Variants in PELI2 observed in about 807,000 individuals in gnomAD.
PELI2 encodes E3 ubiquitin-protein ligase pellino homolog 2.
Under a neutral mutation model 42.3 loss-of-function variants are expected in PELI2, and 23 were observed. The ratio of observed to expected loss-of-function variants is 0.54; its 90% CI spans 0.39 to 0.77. The LOEUF (loss-of-function observed/expected upper bound fraction) is 0.77. PELI2 is among the 30% of genes least tolerant of loss of function. The probability of loss-of-function intolerance (pLI) is 0.00; values close to 1 mark genes in which losing one functional copy is unlikely to be tolerated. For synonymous variants in PELI2, 245 were observed against 212.2 expected (o/e 1.15, Z -1.34); for missense variants, 463 against 553.2 (o/e 0.84, Z 1.64).
At chr14:56,145,770 A>G (rs1439306601) in intron 1 of PELI2, among the ~76,000 whole-genome samples, 1 of 152,192 alleles carries the variant, frequency 6.6e-6, no homozygotes, top group Non-Finnish European at 1.5e-5. Flanking sequence ...CTCTGCTATG[A>G]AAGGGTATAT....
At chr14:56,272,748 C>T (rs1230723637) in intron 2 of PELI2, among the ~76,000 whole-genome samples, 2 of 152,192 alleles carry the variant, frequency 1.3e-5, no homozygotes, top group Admixed American at 6.5e-5. Flanking sequence ...TGCATATTTG[C>T]TTTAAACACA....
intron 2 of PELI2, among the ~76,000 whole-genome samples, chr14:56,228,285 T>C (rs1183337543): frequency 6.6e-6 from 1 of 152,222 alleles, no homozygotes; most frequent in African/African-American, 2.4e-5. Context: ...CTTTCCCTTT[T>C]TCAGCATGAT....
intron 2 of PELI2, among the ~76,000 whole-genome samples, chr14:56,221,018 A>G (rs1349852912): frequency 6.6e-6 from 1 of 152,214 alleles, no homozygotes; most frequent in Non-Finnish European, 1.5e-5. Flanking sequence ...GCCTCATGAC[A>G]TTCTGTGCCA....
intron 1 of PELI2, among the ~76,000 whole-genome samples, chr14:56,127,909 T>C (rs1289858194): frequency 1.3e-5 from 2 of 152,160 alleles, no homozygotes; most frequent in Admixed American, 6.5e-5. Flanking sequence ...TGATGTTAAG[T>C]CTGTTGCTTT....
At chr14:56,170,927 G>A (rs1304897788) in intron 1 of PELI2, among the ~76,000 whole-genome samples, 1 of 152,166 alleles carries the variant, frequency 6.6e-6, no homozygotes, top group Non-Finnish European at 1.5e-5. Context: ...AGGCTCTTAT[G>A]GGCTCGAATT....
chr14:56,126,876 T>G (rs1883289845), intron 1 of PELI2, among the ~76,000 whole-genome samples: 1 of 152,292 alleles, frequency 6.6e-6, no homozygotes, highest in East Asian at 1.9e-4. Flanking sequence ...TACATTATGG[T>G]TTGGGTACTT....
intron 2 of PELI2, among the ~76,000 whole-genome samples, chr14:56,247,439 T>C (rs1888203302): frequency 6.6e-6 from 1 of 152,226 alleles, no homozygotes; most frequent in Non-Finnish European, 1.5e-5. Context: ...TGAGCATAGA[T>C]CTTTATTCAT....
At chr14:56,217,428 G>A (rs772603133) in intron 2 of PELI2, among the ~76,000 whole-genome samples, 12 of 152,148 alleles carry the variant, frequency 7.9e-5, no homozygotes, top group Non-Finnish European at 1.5e-4. Context: ...GAGGAGATTC[G>A]TATTCTGCTG....
At chr14:56,147,364 G>A (rs907893318) in intron 1 of PELI2, among the ~76,000 whole-genome samples, 5 of 152,176 alleles carry the variant, frequency 3.3e-5, no homozygotes, top group Admixed American at 3.3e-4. Flanking sequence ...ATCTTACTGA[G>A]TTTATTGTAT....
chr14:56,249,872 C>T (rs1421213803), intron 2 of PELI2, among the ~76,000 whole-genome samples: 5 of 152,114 alleles, frequency 3.3e-5, no homozygotes, highest in African/African-American at 9.7e-5. Context: ...ATGCGTCATG[C>T]GAATCTTGAT....
intron 2 of PELI2, among the ~76,000 whole-genome samples, chr14:56,254,061 C>A (rs1310720428): frequency 6.6e-6 from 1 of 152,198 alleles, no homozygotes; most frequent in Non-Finnish European, 1.5e-5. Context: ...ACCATCTGAT[C>A]TTTGACAAAC....
At chr14:56,218,185 T>G (rs1271202667) in intron 2 of PELI2, among the ~76,000 whole-genome samples, 1 of 152,236 alleles carries the variant, frequency 6.6e-6, no homozygotes, top group Non-Finnish European at 1.5e-5. Context: ...TTGGCCAGAT[T>G]AGGTAGTTGT....
At chr14:56,268,873 G>A (rs115037928) in intron 2 of PELI2, among the ~76,000 whole-genome samples, 22 of 152,232 alleles carry the variant, frequency 1.4e-4, no homozygotes, top group African/African-American at 3.9e-4. Context: ...CTGCTGCATC[G>A]TCTCATGCTT....
intron 2 of PELI2, among the ~76,000 whole-genome samples, chr14:56,198,664 A>T (rs974240389): frequency 2.0e-5 from 3 of 152,180 alleles, no homozygotes; most frequent in African/African-American, 7.2e-5. Context: ...TCTTTGGAAC[A>T]GATGTGCAGT....
intron 2 of PELI2, among the ~76,000 whole-genome samples, chr14:56,235,406 C>T (rs766123989): frequency 2.0e-5 from 3 of 152,236 alleles, no homozygotes; most frequent in African/African-American, 4.8e-5. Context: ...GAAACTCAGT[C>T]TCAGAACTCT....
chr14:56,189,248 A>T (rs1361393830), intron 2 of PELI2, among the ~76,000 whole-genome samples: 1 of 152,232 alleles, frequency 6.6e-6, no homozygotes, highest in Non-Finnish European at 1.5e-5. Flanking sequence ...GTGAGTTGAC[A>T]GCAATAAAGC....
intron 2 of PELI2, among the ~76,000 whole-genome samples, chr14:56,252,188 A>G (rs1888370293): frequency 6.6e-6 from 1 of 152,226 alleles, no homozygotes; most frequent in South Asian, 2.1e-4. Context: ...GCCTAGGGTA[A>G]GGGTGCTATA....
At chr14:56,142,128 C>T (rs535865492) in intron 1 of PELI2, among the ~76,000 whole-genome samples, 1 of 152,284 alleles carries the variant, frequency 6.6e-6, no homozygotes, top group African/African-American at 2.4e-5. Flanking sequence ...ATCTCTGCTT[C>T]ATCTGTAAAA....
At position 56,118,617 on chromosome 14, in the gene PELI2, A is replaced by C. The variant is rs868693523; in HGVS notation, c.-44A>C. On this transcript the variant is annotated 5_prime_UTR_variant, in exon 1 of 6. Coordinates refer to ENST00000267460, the MANE Select transcript of PELI2 (RefSeq NM_021255.3). ...GCGGACTCGGCGGGGATCGCGGCGG[A>C]GGCGGCGGCGTCGGCGGCGGCGTCG... The C allele has an allele frequency of 4.7e-4, 586 of 1,234,082 alleles. 2 individuals are homozygous for C. The African/African-American group carries it at 7.9e-3, about 17-fold the overall frequency. The allele number at this position is 1,234,082 out of a possible 1,614,324, so 76.4% of individuals were successfully genotyped here. A position where few individuals can be genotyped will look rare whatever the true frequency, so the allele number is the denominator to read the frequency against.
Sources: gnomAD v4.1 joint callset for allele counts (sites outside exome capture counted in the v4.1 genomes callset) on GRCh38, gnomAD v4.1.1 for gene constraint, MANE v1.5 for transcripts, NCBI Gene and HGNC (gene_info 2026-07-23, HGNC 2026-07-21) for gene names.